Variants in TECPR1 observed in about 807,000 individuals in gnomAD.
The protein encoded by TECPR1 is tectonin beta-propeller repeat-containing protein 1.
Under a neutral mutation model 162.4 loss-of-function variants are expected in TECPR1, and 122 were observed. That is an observed-to-expected ratio of 0.75 (90% CI 0.65 to 0.87). The LOEUF is 0.87. Ranked by LOEUF, TECPR1 falls within the 40% of genes least tolerant of loss-of-function variation. The probability of loss-of-function intolerance (pLI) is 0.00; values close to 1 mark genes in which losing one functional copy is unlikely to be tolerated. For synonymous variants in TECPR1, 642 were observed against 670.6 expected, an observed-to-expected ratio of 0.96 and a Z score of 0.66; for missense variants, 1,432 against 1,618.2, an observed-to-expected ratio of 0.88 and a Z score of 1.97.
In TECPR1 at chr7:98,241,189, A is replaced by T. The variant is rs1464261614; in HGVS notation, c.713T>A (p.Leu238Gln). The T allele has an allele frequency of 6.2e-7, 1 of 1,612,876 alleles. No homozygotes were observed. Among genetic ancestry groups the T allele is most frequent in the East Asian group, 2.2e-5 (1 of 44,880 alleles). The change falls in exon 7 of 26, where the codon CTG becomes CAG. Residue 238 changes from leucine (L) to glutamine (Q), a missense_variant. Transcript: ENST00000447648. The surrounding 1 kb of genome is among the most constrained non-coding windows in gnomAD (Gnocchi z 5.0). The part of the protein sequence containing the change: ...HSNPEGSSWS[L>Q]LDTPGEVVQI... ...AACCACCTCCCCGGGGGTGTCCAGCAGGGACCAGGAGGACCCTTCGGGGTT... is the reference window on the plus strand; with the variant it reads ...AACCACCTCCCCGGGGGTGTCCAGCTGGGACCAGGAGGACCCTTCGGGGTT...
chr7:98,234,331 T>G (rs1798535240), intron 10 of TECPR1, among the ~76,000 whole-genome samples: 1 of 152,144 alleles, frequency 6.6e-6, no homozygotes, highest in African/African-American at 2.4e-5. Flanking sequence ...ATTTTTGTAT[T>G]TTTAGTAGAG....
chr7:98,219,849 C>T (rs1300040902), intron 23 of TECPR1, among the ~76,000 whole-genome samples: 6 of 151,584 alleles, frequency 4.0e-5, no homozygotes, highest in South Asian at 2.1e-4. Context: ...TGCAGTGAGC[C>T]GAGATCGCAC....
At chr7:98,248,584 G>GGGAGCTGGTGGC in intron 2 of TECPR1, among the ~76,000 whole-genome samples, 1 of 135,830 alleles carries the variant, frequency 7.4e-6, no homozygotes, top group African/African-American at 2.8e-5. Context: ...GCTCACACCT[G>GGGAGCTGGTGGC]TAAACCCAGC....
At chr7:98,223,202 A>G in intron 20 of TECPR1, 32 bp from the exon 21 acceptor site, 1 of 1,551,670 alleles carries the variant, frequency 6.4e-7, no homozygotes, top group Non-Finnish European at 8.7e-7. Context: ...CAGCCCAGGG[A>G]CCCCAAGGTG....
chr7:98,236,350 C>T (rs1304062868), intron 10 of TECPR1, among the ~76,000 whole-genome samples: 1 of 152,152 alleles, frequency 6.6e-6, no homozygotes, highest in African/African-American at 2.4e-5. Context: ...GCAGGCTGGG[C>T]AGAGACCCTC....
intron 6 of TECPR1, among the ~76,000 whole-genome samples, chr7:98,242,612 A>G (rs1397913515): frequency 7.3e-6 from 1 of 137,744 alleles, no homozygotes; most frequent in Non-Finnish European, 1.5e-5. Context: ...CCGCACACCC[A>G]CCCATCTGTC....
chr7:98,247,341 A>G (rs1798938485), intron 2 of TECPR1, among the ~76,000 whole-genome samples: 1 of 151,908 alleles, frequency 6.6e-6, no homozygotes, highest in African/African-American at 2.4e-5. Flanking sequence ...GAGTCTCACT[A>G]TGTTGCCCAA....
intron 3 of TECPR1, 61 bp from the exon 4 acceptor site, chr7:98,245,128 G>A (rs774676580): frequency 6.5e-6 from 10 of 1,533,252 alleles, no homozygotes; most frequent in African/African-American, 4.1e-5. Context: ...GAACCCAGGC[G>A]GGCCAGGCAT....
chr7:98,250,744 A>G (rs552703183), intron 2 of TECPR1, among the ~76,000 whole-genome samples: 3 of 152,316 alleles, frequency 2.0e-5, no homozygotes, highest in East Asian at 3.9e-4. Flanking sequence ...GTTGAGCTCA[A>G]TGAAAGGAGA....
chr7:98,216,508 A>C lies in TECPR1; in HGVS notation c.*882T>G, dbSNP rs1318996054. 1 of 150,840 alleles carries C rather than the reference A, an allele frequency of 6.6e-6. No homozygotes were observed. Among genetic ancestry groups the C allele is most frequent in the African/African-American group, 2.4e-5 (1 of 40,978 alleles). 9.3% of individuals were successfully genotyped at this position (150,840 alleles called of 1,614,324 possible). A position where few individuals can be genotyped will look rare whatever the true frequency, so the allele number is the denominator to read the frequency against. On this transcript the variant is annotated 3_prime_UTR_variant, in exon 26 of 26. Coordinates refer to ENST00000447648, the MANE Select transcript of TECPR1 (RefSeq NM_015395.3). ...TACCCCGGCCCCCTCAGGGAAGAGG[A>C]CATCCCATCCACTCCAGTGTTATTT...
intron 15 of TECPR1, 74 bp downstream of exon 15, chr7:98,230,887 G>T: frequency 1.3e-6 from 2 of 1,538,192 alleles, no homozygotes; most frequent in South Asian, 2.4e-5. Context: ...CCAGTCCTCT[G>T]GATCCCCCTT....
intron 10 of TECPR1, among the ~76,000 whole-genome samples, chr7:98,236,038 T>G (rs987605859): frequency 6.6e-6 from 1 of 152,100 alleles, no homozygotes; most frequent in African/African-American, 2.4e-5. Context: ...CTGCAGAGCC[T>G]GGGCCCTGAG....
At chr7:98,237,382 C>T (rs1345619688) in intron 9 of TECPR1, among the ~76,000 whole-genome samples, 1 of 151,942 alleles carries the variant, frequency 6.6e-6, no homozygotes, top group Admixed American at 6.6e-5. Flanking sequence ...AAACCTCCGC[C>T]TCCAGGGCTC....
At chr7:98,230,761 G>T (rs932090324) in intron 15 of TECPR1, among the ~76,000 whole-genome samples, 200 bp downstream of exon 15, 1 of 152,202 alleles carries the variant, frequency 6.6e-6, no homozygotes, top group African/African-American at 2.4e-5. Flanking sequence ...TGGGCCCAGT[G>T]GGGCTTCTGG....
rs372353766 is a variant in TECPR1, at chr7:98,231,849, C to T, written c.1929G>A (p.Arg643=). Residue 643 remains arginine (R), a synonymous_variant, in exon 13 of 26, where the codon CGG becomes CGA. Coordinates refer to ENST00000447648, the MANE Select transcript of TECPR1 (RefSeq NM_015395.3). ...CATAGTAGATGAAGAGGATGCTGTC[C>T]CGGACGCCGTCGTGCCCCGTGAACT... ...LEQFTGHDGV[R]DSILFIYYVV... The T allele has an allele frequency of 7.4e-6, 12 of 1,612,786 alleles. No homozygotes were observed. Among genetic ancestry groups the T allele is most frequent in the African/African-American group, 1.3e-5 (1 of 74,848 alleles).
At chr7:98,238,918 G>A in intron 8 of TECPR1, among the ~76,000 whole-genome samples, 1 of 152,202 alleles carries the variant, frequency 6.6e-6, no homozygotes, top group East Asian at 1.9e-4. Flanking sequence ...TACTTTATTT[G>A]AATTGAGTTG....
rs1797980605 is a variant in TECPR1 at position 98,215,372 on chromosome 7, T to C, written c.*2018A>G. Reference sequence around the variant, plus strand: ...GACCCAAATTGGCTCTTATTTTTTCTAATGGCCCTTTCAAAGTATTCATGA... The same window carrying C: ...GACCCAAATTGGCTCTTATTTTTTCCAATGGCCCTTTCAAAGTATTCATGA... On this transcript the variant is annotated 3_prime_UTR_variant, in exon 26 of 26. Coordinates refer to ENST00000447648, the MANE Select transcript of TECPR1 (RefSeq NM_015395.3). 1 of 152,282 alleles carries C rather than the reference T, an allele frequency of 6.6e-6. No individual in the cohort carries two copies. The highest frequency in any genetic ancestry group is 2.4e-5 in the African/African-American group (1 of 41,476). 9.4% of individuals were successfully genotyped at this position (152,282 alleles called of 1,614,324 possible).
In TECPR1 at chr7:98,229,122, T is replaced by C; in HGVS notation, c.2327A>G (p.Asn776Ser). Residue 776 changes from asparagine (N) to serine (S), a missense_variant, in exon 16 of 26, where the codon AAC (asparagine) becomes AGC (serine). Transcript: ENST00000447648. ...MGGHLRMVEA[N>S]SRGVVWGIGY... ...GATGCCCCACACCACGCCCCGGCTG[T>C]TGGCCTCCACCATCCGCAGGTGGCC... The C allele has an allele frequency of 6.4e-7, 1 of 1,569,244 alleles. No homozygotes were observed. Among genetic ancestry groups the C allele is most frequent in the South Asian group, 1.2e-5 (1 of 85,334 alleles).
In TECPR1 at chr7:98,216,287, A is replaced by G. The variant is rs1001811974; in HGVS notation, c.*1103T>C. On this transcript the variant is annotated 3_prime_UTR_variant, in exon 26 of 26. Transcript: ENST00000447648. ...GCTGAGGGTCCCATGGCCACTGCCG[A>G]CAGACACAGTAGTACTGCTCCCCAC... 1 of 152,334 alleles carries G rather than the reference A, an allele frequency of 6.6e-6. No individual in the cohort carries two copies. Among genetic ancestry groups the G allele is most frequent in the African/African-American group, 2.4e-5 (1 of 41,444 alleles). The allele number at this position is 152,334 out of a possible 1,614,324, so 9.4% of individuals were successfully genotyped here.
Sources: allele counts gnomAD v4.1 joint callset (sites outside exome capture counted in the v4.1 genomes callset), GRCh38; gene constraint gnomAD v4.1.1; non-coding constraint Gnocchi (gnomAD v3.1); transcripts MANE v1.5; gene names NCBI Gene and HGNC (gene_info 2026-07-23, HGNC 2026-07-21).